The following SLC43A2 variants were observed in gnomAD, a reference collection of about 807,000 sequenced individuals.
SLC43A2 encodes the protein large neutral amino acids transporter small subunit 4.
SLC43A2 carries 38 observed loss-of-function variants against 63.2 expected under a neutral mutation model. The observed-to-expected ratio is 0.60, with a 90% CI of 0.46 to 0.79. SLC43A2 has a LOEUF of 0.79. Among genes scored for constraint, SLC43A2 ranks in the 30% least tolerant of loss-of-function variants. The pLI, the probability that SLC43A2 is intolerant of heterozygous loss-of-function variation, is 0.00. For missense variants in SLC43A2, 644 were observed against 756.2 expected, an observed-to-expected ratio of 0.85 and a Z score of 1.74; for synonymous variants, 322 against 331.0, an observed-to-expected ratio of 0.97 and a Z score of 0.30.
At position 1,615,002 on chromosome 17, in the gene SLC43A2, G is replaced by A. The variant is rs758976953; in HGVS notation, c.401C>T (p.Ala134Val). ...ACCGTTTGGTTTACTTGCTCCGTAC[G>A]CAATCAGCAAGCAGGAAACCGCGAA... ...ACFAVSCLLIAYGASKPNALS... is the reference protein window; with the variant it reads ...ACFAVSCLLIVYGASKPNALS... Residue 134 changes from alanine (A) to valine (V), a missense_variant, in exon 4 of 14, where the codon GCG becomes GTG. Ala to Val is a moderately conservative substitution (Grantham distance 64). This residue lies in a region of SLC43A2 where 528 missense variants were observed against 623.6 expected (regional missense o/e 0.85). Coordinates refer to ENST00000301335, the MANE Select transcript of SLC43A2 (RefSeq NM_152346.3). 15 of 1,613,982 alleles carry A rather than the reference G, an allele frequency of 9.3e-6. No individual in the cohort carries two copies. Among genetic ancestry groups the A allele is most frequent in the South Asian group, 3.3e-5 (3 of 91,066 alleles).
intron 5 of SLC43A2, among the ~76,000 whole-genome samples, chr17:1,599,478 T>C (rs1278693865): frequency 6.6e-6 from 1 of 151,584 alleles, no homozygotes; most frequent in African/African-American, 2.4e-5. Flanking sequence ...GGCAGGTGGA[T>C]CACTTGAGGC....
At chr17:1,604,582 C>A in intron 5 of SLC43A2, 2 of 727,746 alleles carry the variant, frequency 2.7e-6, no homozygotes, top group South Asian at 1.8e-5. Context: ...CAACACAGCA[C>A]GCTATTGTGC....
At chr17:1,612,173 A>T (rs1377796154) in intron 5 of SLC43A2, among the ~76,000 whole-genome samples, 1 of 152,118 alleles carries the variant, frequency 6.6e-6, no homozygotes, top group African/African-American at 2.4e-5. Flanking sequence ...CATGTTGGCC[A>T]GGCTGGTCTC....
chr17:1,622,391 G>A lies in SLC43A2; in HGVS notation c.160+5324C>T, dbSNP rs191723498. Among the ~76,000 whole-genome samples, 80 of 151,596 alleles carry A rather than the reference G, an allele frequency of 5.3e-4. 3 individuals are homozygous for A. The East Asian group carries it at 0.01, about 19-fold the overall frequency. ...ATCGTGGCTAACACGGTGAAACCCC[G>A]TCTCTACTAAAAATACAAAAAAATT... On this transcript the variant is annotated intron_variant, in intron 2 of 13. Coordinates refer to ENST00000301335, the MANE Select transcript of SLC43A2 (RefSeq NM_152346.3).
At chr17:1,613,469 C>T (rs1024323380) in intron 4 of SLC43A2, among the ~76,000 whole-genome samples, 198 bp from the exon 5 acceptor site, 1 of 152,130 alleles carries the variant, frequency 6.6e-6, no homozygotes. Flanking sequence ...CTTTTTTAAT[C>T]GAGACGTAGT....
At chr17:1,619,691 T>C (rs1049826325) in intron 2 of SLC43A2, among the ~76,000 whole-genome samples, 1 of 152,206 alleles carries the variant, frequency 6.6e-6, no homozygotes, top group African/African-American at 2.4e-5. Context: ...GTTTCAAATG[T>C]CAGCTCTGCC....
intron 5 of SLC43A2, among the ~76,000 whole-genome samples, chr17:1,603,780 T>TGCC (rs1305111351): frequency 6.7e-6 from 1 of 149,948 alleles, no homozygotes; most frequent in Admixed American, 6.7e-5. Flanking sequence ...AGTGAAACTC[T>TGCC]GCCTCAAAAA....
intron 3 of SLC43A2, 46 bp downstream of exon 3, chr17:1,616,516 G>A (rs3809799): frequency 0.036 from 56,063 of 1,551,504 alleles, 5,466 homozygotes; most frequent in African/African-American, 0.36. Context: ...CTCAGCCCAG[G>A]GGGTCCACCT....
Position 1,583,413 on chromosome 17 carries a change from AGC to A in SLC43A2, c.1218-79_1218-78del, listed in dbSNP as rs2076051721. 1 of 1,587,604 alleles carries A rather than the reference AGC, an allele frequency of 6.3e-7. No individual in the cohort carries two copies. Among genetic ancestry groups the A allele is most frequent in the South Asian group, 1.1e-5 (1 of 89,658 alleles). On this transcript the variant is annotated intron_variant, in intron 10 of 13. Transcript: ENST00000301335. This position sits in a 1 kb window ranked among gnomAD's most constrained non-coding sequence, Gnocchi z 5.5. The stretch of plus-strand genomic sequence containing the variant: ...GGTGCTCCTGAGAAGTCAGGCCTCA[AGC>A]GTCGCAGCAGGTAAACTGACGCAAG...
intron 5 of SLC43A2, chr17:1,604,732 G>A (rs1426842419): frequency 5.2e-6 from 8 of 1,535,638 alleles, no homozygotes; most frequent in Non-Finnish European, 7.0e-6. Context: ...TCTGCCCCCT[G>A]CCCTCACCTC....
rs185127124 is a variant in SLC43A2, at chr17:1,589,767, C to A, written c.1078+1035G>T. Among the ~76,000 whole-genome samples, 416 of 152,232 alleles carry A rather than the reference C, an allele frequency of 2.7e-3. 1 individual carries two copies. The highest frequency in any genetic ancestry group is 0.017 in the Middle Eastern group (5 of 294). ...CCAAGTAGCAGGGATTACAGGGGCC[C>A]ACCACCACGCCTGGCTAATTTTTTG... On this transcript the variant is annotated intron_variant, in intron 9 of 13. Coordinates refer to ENST00000301335, the MANE Select transcript of SLC43A2 (RefSeq NM_152346.3).
At position 1,627,849 on chromosome 17, in the gene SLC43A2, T is replaced by C. The variant is rs1908819530; in HGVS notation, c.26A>G (p.His9Arg). MAPTLATA[H>R]RRRWWMACTA... The stretch of plus-strand genomic sequence containing the variant: ...GCAGGCCATCCACCAGCGGCGCCGA[T>C]GGGCAGTGGCCAGGGTGGGCGCCAT... Residue 9 changes from histidine (H) to arginine (R), a missense_variant, in exon 2 of 14, where the codon CAT becomes CGT. Transcript: ENST00000301335. 6 of 1,583,276 alleles carry C rather than the reference T, an allele frequency of 3.8e-6. No homozygotes were observed. The highest frequency in any genetic ancestry group is 4.6e-5 in the East Asian group (2 of 43,132).
intron 5 of SLC43A2, chr17:1,604,820 C>T (rs1169723614): frequency 2.0e-5 from 31 of 1,535,774 alleles, no homozygotes; most frequent in Non-Finnish European, 2.4e-5. Flanking sequence ...TGTGGACTCC[C>T]GTAGGTCATC....
At chr17:1,586,930 C>CCCCCCCCCCCCCCCCTACCCCTAG in intron 9 of SLC43A2, 1 of 783,192 alleles carries the variant, frequency 1.3e-6, no homozygotes, top group Non-Finnish European at 2.0e-6. Context: ...CCTGACAATC[C>CCCCCCCCCCCCCCCCTACCCCTAG]CCCCCACCCC....
intron 5 of SLC43A2, among the ~76,000 whole-genome samples, chr17:1,599,124 G>A (rs974425685): frequency 2.0e-5 from 3 of 152,102 alleles, no homozygotes; most frequent in Non-Finnish European, 2.9e-5. Context: ...TGAGGTGGGC[G>A]GATCACGAGA....
chr17:1,581,859 G>A (rs981874078), intron 11 of SLC43A2, among the ~76,000 whole-genome samples: 2 of 150,280 alleles, frequency 1.3e-5, no homozygotes, highest in East Asian at 2.0e-4. Context: ...AGGCTGGAGT[G>A]CAGTGGCGCA....
At position 1,570,203 on chromosome 17, in the gene SLC43A2, T is replaced by C. The variant is rs927945034; in HGVS notation, c.*5401A>G. 6.6e-6 allele frequency: 1 copy of C among 151,396 alleles called. No individual in the cohort carries two copies. The highest frequency in any genetic ancestry group is 2.4e-5 in the African/African-American group (1 of 41,148). 9.4% of individuals were successfully genotyped at this position (151,396 alleles called of 1,614,324 possible). A position where few individuals can be genotyped will look rare whatever the true frequency, so the allele number is the denominator to read the frequency against. On this transcript the variant is annotated 3_prime_UTR_variant, in exon 14 of 14. Transcript: ENST00000301335. Reference sequence around the variant, plus strand: ...CCACTGCGCCCGGCCCTAATTTTTGTATTTTTAGTAGAGTTGAGGTTTCAC... The same window carrying C: ...CCACTGCGCCCGGCCCTAATTTTTGCATTTTTAGTAGAGTTGAGGTTTCAC...
intron 2 of SLC43A2, among the ~76,000 whole-genome samples, chr17:1,619,567 G>A (rs552818502): frequency 1.3e-5 from 2 of 152,336 alleles, no homozygotes; most frequent in South Asian, 4.1e-4. Context: ...GAGCCCGTCA[G>A]GGTGGAGCTC....
At chr17:1,619,062 C>T (rs916519722) in intron 2 of SLC43A2, among the ~76,000 whole-genome samples, 22 of 150,868 alleles carry the variant, frequency 1.5e-4, no homozygotes, top group Non-Finnish European at 2.5e-4. Context: ...CCCAGCCCTT[C>T]GGGAGGCCAA....
Sources: allele counts gnomAD v4.1 joint callset (sites outside exome capture counted in the v4.1 genomes callset), GRCh38; gene constraint gnomAD v4.1.1; regional missense constraint gnomAD v4.1.1; non-coding constraint Gnocchi (gnomAD v3.1); transcripts MANE v1.5; gene names NCBI Gene and HGNC (gene_info 2026-07-23, HGNC 2026-07-21).